The following ARHGEF7 variants were observed in gnomAD, a reference collection of about 807,000 sequenced individuals.
ARHGEF7 encodes the protein PAK-interacting exchange factor beta.
ARHGEF7 carries 33 observed loss-of-function variants against 109.8 expected under a neutral mutation model. That is an observed-to-expected ratio of 0.30 (90% confidence interval 0.23 to 0.40). The LOEUF is 0.40. Among genes scored for constraint, ARHGEF7 ranks in the 10% least tolerant of loss-of-function variants. ARHGEF7 has a pLI of 1.00. For missense variants in ARHGEF7, 938 were observed against 1,098.5 expected, an observed-to-expected ratio of 0.85 and a Z score of 2.07; for synonymous variants, 458 against 424.6, an observed-to-expected ratio of 1.08 and a Z score of -0.97.
chr13:111,170,780 T>C (rs1267033792), intron 2 of ARHGEF7, among the ~76,000 whole-genome samples: 1 of 152,238 alleles, frequency 6.6e-6, no homozygotes, highest in Non-Finnish European at 1.5e-5. Flanking sequence ...AAGCAGAGCC[T>C]GCTGCTGTGT....
At chr13:111,200,869 A>G (rs2081136193) in intron 2 of ARHGEF7, among the ~76,000 whole-genome samples, 1 of 152,184 alleles carries the variant, frequency 6.6e-6, no homozygotes, top group Non-Finnish European at 1.5e-5. Context: ...AGAATTGTGG[A>G]CAGACTTAAT....
intron 3 of ARHGEF7, among the ~76,000 whole-genome samples, chr13:111,207,232 GATCTC>G (rs2082001892): frequency 6.6e-6 from 1 of 152,166 alleles, no homozygotes; most frequent in Admixed American, 6.5e-5. Context: ...ACAGTGGTGT[GATCTC>G]AGCTCACTGA....
At chr13:111,205,559 T>C (rs1203803706) in intron 3 of ARHGEF7, among the ~76,000 whole-genome samples, 186 bp downstream of exon 3, 1 of 152,226 alleles carries the variant, frequency 6.6e-6, no homozygotes, top group Non-Finnish European at 1.5e-5. Flanking sequence ...GAATCTTCTT[T>C]AAATGTTCTG....
At chr13:111,182,897 G>A (rs1415060208) in intron 2 of ARHGEF7, among the ~76,000 whole-genome samples, 1 of 152,180 alleles carries the variant, frequency 6.6e-6, no homozygotes, top group Non-Finnish European at 1.5e-5. Context: ...TACGTCACAT[G>A]AGCTATTCAA....
Position 111,283,222 on chromosome 13 carries a change from C to A in ARHGEF7, c.1809C>A (p.Pro603=). ...TGACGCCCGCCTACCACACGCTGCC[C>A]CACCCCTCCCACCACGGCACCCCGC... ...APLTPAYHTL[P]HPSHHGTPHT... is the part of the protein sequence containing the mutation. Residue 603 remains proline, a synonymous_variant, in exon 16 of 22, where the codon CCC becomes CCA. Transcript: ENST00000646102. 1 of 1,593,260 alleles carries A rather than the reference C, an allele frequency of 6.3e-7. No homozygotes were observed. The highest frequency in any genetic ancestry group is 2.3e-5 in the East Asian group (1 of 44,144).
intron 8 of ARHGEF7, among the ~76,000 whole-genome samples, chr13:111,246,094 T>C (rs1286254409): frequency 6.6e-6 from 1 of 152,188 alleles, no homozygotes. Context: ...TGTGTGACTA[T>C]TTTATTTTCT....
chr13:111,238,208 C>T (rs1330751182), intron 6 of ARHGEF7, among the ~76,000 whole-genome samples: 2 of 152,096 alleles, frequency 1.3e-5, no homozygotes, highest in African/African-American at 4.8e-5. Flanking sequence ...TAATTAAGAT[C>T]CGGGCGGCTT....
At chr13:111,279,582 C>T (rs1417212453) in intron 13 of ARHGEF7, among the ~76,000 whole-genome samples, 1 of 152,216 alleles carries the variant, frequency 6.6e-6, no homozygotes, top group Admixed American at 6.5e-5. Flanking sequence ...TGGTGGGCCA[C>T]CATGTACTGT....
intron 4 of ARHGEF7, among the ~76,000 whole-genome samples, chr13:111,215,823 T>C (rs1218285035): frequency 2.0e-5 from 3 of 152,156 alleles, no homozygotes; most frequent in Non-Finnish European, 4.4e-5. Context: ...GCCGCACAGC[T>C]GCTGCCTCTG....
chr13:111,248,582 A>G lies in ARHGEF7; in HGVS notation c.950+4288A>G, dbSNP rs141429855. Among the ~76,000 whole-genome samples the G allele has an allele frequency of 1.1e-4, 17 of 152,244 alleles. No individual in the cohort carries two copies. The East Asian group carries it at 3.3e-3, about 29-fold the overall frequency. The stretch of plus-strand genomic sequence containing the variant: ...GTCTCTGCTCTGTTCTTCAGGTTGA[A>G]TGGCGTCTGCTGTGTCCTAAGTGTT... On this transcript the variant is annotated intron_variant, in intron 8 of 21. Transcript: ENST00000646102.
intron 4 of ARHGEF7, among the ~76,000 whole-genome samples, chr13:111,213,751 A>G (rs2082777659): frequency 6.6e-6 from 1 of 152,202 alleles, no homozygotes; most frequent in Non-Finnish European, 1.5e-5. Flanking sequence ...CCACAATGAT[A>G]AAATAGTGAT....
chr13:111,212,968 G>A (rs1414070561), intron 4 of ARHGEF7, among the ~76,000 whole-genome samples: 3 of 152,156 alleles, frequency 2.0e-5, no homozygotes, highest in Non-Finnish European at 4.4e-5. Flanking sequence ...CAAGATCACA[G>A]CACTCAGAAA....
At chr13:111,281,870 T>C (rs1452386355) in intron 15 of ARHGEF7, among the ~76,000 whole-genome samples, 2 of 152,238 alleles carry the variant, frequency 1.3e-5, no homozygotes, top group Non-Finnish European at 2.9e-5. Context: ...TGCATTCTCC[T>C]ACAGAGTTTC....
intron 2 of ARHGEF7, among the ~76,000 whole-genome samples, chr13:111,202,776 T>C (rs1362274728): frequency 1.3e-5 from 2 of 152,246 alleles, no homozygotes; most frequent in Non-Finnish European, 2.9e-5. Flanking sequence ...TGTTTCTGTT[T>C]TTTGTTGAAT....
chr13:111,259,214 G>A (rs555262654), intron 8 of ARHGEF7, among the ~76,000 whole-genome samples: 12 of 152,284 alleles, frequency 7.9e-5, no homozygotes, highest in African/African-American at 2.9e-4. Context: ...GCCGATTGTA[G>A]TGCCCCAGGG....
At chr13:111,260,519 T>C (rs2090974478) in intron 8 of ARHGEF7, among the ~76,000 whole-genome samples, 1 of 152,200 alleles carries the variant, frequency 6.6e-6, no homozygotes, top group African/African-American at 2.4e-5. Context: ...CTAGCAAAAA[T>C]ATTCTTCAAA....
At chr13:111,206,977 A>AG (rs2081966488) in intron 3 of ARHGEF7, among the ~76,000 whole-genome samples, 1 of 50,568 alleles carries the variant, frequency 2.0e-5, no homozygotes, top group Non-Finnish European at 5.6e-5. Flanking sequence ...AAAAAAAAAG[A>AG]AAAAGAAAAA....
intron 4 of ARHGEF7, among the ~76,000 whole-genome samples, chr13:111,214,394 G>C (rs1166592040): frequency 6.6e-6 from 1 of 152,228 alleles, no homozygotes; most frequent in Non-Finnish European, 1.5e-5. Flanking sequence ...GCGTTGCTTT[G>C]CTCACCACAG....
intron 2 of ARHGEF7, chr13:111,182,093 C>A (rs1473470334): frequency 6.6e-6 from 1 of 152,120 alleles, no homozygotes; most frequent in Non-Finnish European, 1.5e-5. Flanking sequence ...ACAAGAGTGG[C>A]CTTAATTCAC....
Sources: gnomAD v4.1 joint callset for allele counts (sites outside exome capture counted in the v4.1 genomes callset) on GRCh38, gnomAD v4.1.1 for gene constraint, MANE v1.5 for transcripts, NCBI Gene and HGNC (gene_info 2026-07-23, HGNC 2026-07-21) for gene names.